The following THSD7A variants were observed in gnomAD, a reference collection of about 807,000 sequenced individuals.
THSD7A encodes the protein thrombospondin type-1 domain-containing protein 7A.
A neutral mutation model predicts 231.3 loss-of-function variants in THSD7A; 96 were observed. The ratio of observed to expected loss-of-function variants is 0.41; its 90% CI spans 0.35 to 0.49. The LOEUF (loss-of-function observed/expected upper bound fraction) is 0.49. THSD7A is among the 20% of genes least tolerant of loss of function. THSD7A has a pLI of 0.05. For missense variants in THSD7A, 2,290 were observed against 2,070.2 expected (o/e 1.11, Z -2.06); for synonymous variants, 940 against 743.3 (o/e 1.26, Z -4.30).
At chr7:11,468,804 A>G (rs1262616250) in intron 9 of THSD7A, among the ~76,000 whole-genome samples, 1 of 152,182 alleles carries the variant, frequency 6.6e-6, no homozygotes, top group Non-Finnish European at 1.5e-5. Context: ...ACTGTACTCC[A>G]GCCTGGATGA....
At chr7:11,490,910 T>C (rs1271006957) in intron 6 of THSD7A, among the ~76,000 whole-genome samples, 1 of 152,214 alleles carries the variant, frequency 6.6e-6, no homozygotes, top group East Asian at 1.9e-4. Flanking sequence ...AAAATTTTTA[T>C]TGGCACATAA....
Position 11,634,619 on chromosome 7 carries a change from A to G in THSD7A, c.1022+1511T>C, listed in dbSNP as rs377200927. Among the ~76,000 whole-genome samples, 100 of 152,212 alleles carry G rather than the reference A, an allele frequency of 6.6e-4. No homozygotes were observed. The highest frequency in any genetic ancestry group is 2.4e-3 in the African/African-American group (98 of 41,546). ...CACACACACACACACACATACACAC[A>G]CACACATTTAAGGAGTTGTAGGAAA... On this transcript the variant is annotated intron_variant, in intron 2 of 27. Coordinates refer to ENST00000423059, the MANE Select transcript of THSD7A (RefSeq NM_015204.3). This position sits in a 1 kb window ranked among gnomAD's most constrained non-coding sequence, Gnocchi z 4.1.
intron 1 of THSD7A, among the ~76,000 whole-genome samples, chr7:11,671,040 G>A (rs1783368590): frequency 6.6e-6 from 1 of 152,166 alleles, no homozygotes; most frequent in Non-Finnish European, 1.5e-5. Flanking sequence ...TTTATTGTGA[G>A]CAGTTCTGGA....
chr7:11,568,554 G>A lies in THSD7A; in HGVS notation c.1453+21906C>T, dbSNP rs143550978. Among the ~76,000 whole-genome samples, 985 of 143,124 alleles carry A rather than the reference G, an allele frequency of 6.9e-3. 6 individuals are homozygous for A. The highest frequency in any genetic ancestry group is 0.024 in the African/African-American group (920 of 38,694). 93.9% of individuals were successfully genotyped at this position (143,124 alleles called of 152,430 possible). On this transcript the variant is annotated intron_variant, in intron 4 of 27. Coordinates refer to ENST00000423059, the MANE Select transcript of THSD7A (RefSeq NM_015204.3). The stretch of plus-strand genomic sequence containing the variant: ...GCAGGAGAATGGCGTGAACCTGGGA[G>A]GCAGAGCTTGCAGTGAGCCGAGATC...
intron 1 of THSD7A, among the ~76,000 whole-genome samples, chr7:11,669,420 T>A (rs572414022): frequency 3.2e-4 from 49 of 152,152 alleles, no homozygotes; most frequent in African/African-American, 7.5e-4. Context: ...CTTGTTTTTT[T>A]AAGTAATTCA....
At position 11,525,023 on chromosome 7, in the gene THSD7A, T is replaced by C. The variant is rs979937461; in HGVS notation, c.1822+16396A>G. ...CTTTCTGTGGATGAAAGGCACGTTC[T>C]TCATACACATTATCATGTTTTTCAC... On this transcript the variant is annotated intron_variant, in intron 6 of 27. Transcript: ENST00000423059. 6.6e-5 allele frequency among the ~76,000 whole-genome samples: 10 copies of C among 152,224 alleles called. 1 individual carries two copies. The highest frequency in any genetic ancestry group is 2.4e-4 in the African/African-American group (10 of 41,466).
At chr7:11,598,973 G>T (rs1031044720) in intron 2 of THSD7A, among the ~76,000 whole-genome samples, 116 of 152,146 alleles carry the variant, frequency 7.6e-4, no homozygotes, top group African/African-American at 2.8e-3. Flanking sequence ...GAGTTACAGT[G>T]TTGGCTGGGG....
chr7:11,742,330 A>G, intron 1 of THSD7A, among the ~76,000 whole-genome samples: 1 of 151,954 alleles, frequency 6.6e-6, no homozygotes, highest in East Asian at 1.9e-4. Context: ...TCCCCTTTCA[A>G]GTATTCAATT....
At chr7:11,479,223 T>C (rs955154476) in intron 7 of THSD7A, among the ~76,000 whole-genome samples, 3 of 152,222 alleles carry the variant, frequency 2.0e-5, no homozygotes, top group Non-Finnish European at 4.4e-5. Context: ...CACAACCTAG[T>C]CTATCCTTAT....
chr7:11,638,213 A>G (rs2526099), intron 1 of THSD7A, among the ~76,000 whole-genome samples: 53,543 of 152,144 alleles, frequency 0.35, 10,519 homozygotes, highest in Non-Finnish European at 0.45. Context: ...GAAACCTGCT[A>G]AAGTAGGTCA....
At chr7:11,649,800 C>T (rs1428910454) in intron 1 of THSD7A, among the ~76,000 whole-genome samples, 2 of 152,040 alleles carry the variant, frequency 1.3e-5, no homozygotes, top group African/African-American at 4.8e-5. Context: ...GATTTCCACA[C>T]AGACTGTTAA....
At chr7:11,629,239 A>G (rs1781572617) in intron 2 of THSD7A, among the ~76,000 whole-genome samples, 1 of 152,172 alleles carries the variant, frequency 6.6e-6, no homozygotes, top group East Asian at 1.9e-4. Flanking sequence ...AGGATGGGGA[A>G]GAGGTGATAG....
intron 6 of THSD7A, among the ~76,000 whole-genome samples, chr7:11,503,098 T>C (rs942306611): frequency 6.6e-6 from 1 of 152,180 alleles, no homozygotes; most frequent in Non-Finnish European, 1.5e-5. Flanking sequence ...AGCATGGTAC[T>C]GATTCCAAAA....
intron 13 of THSD7A, among the ~76,000 whole-genome samples, chr7:11,430,562 G>C (rs1784449500): frequency 6.6e-6 from 1 of 152,076 alleles, no homozygotes. Context: ...CTGCACTCAA[G>C]AGATCCTCCT....
intron 1 of THSD7A, among the ~76,000 whole-genome samples, chr7:11,690,368 G>T (rs911439461): frequency 6.6e-6 from 1 of 151,714 alleles, no homozygotes; most frequent in African/African-American, 2.4e-5. Flanking sequence ...CATAAAGTAG[G>T]TTCTCAATTT....
intron 2 of THSD7A, among the ~76,000 whole-genome samples, chr7:11,629,054 C>T (rs1035955810): frequency 6.6e-6 from 1 of 152,162 alleles, no homozygotes; most frequent in Non-Finnish European, 1.5e-5. Flanking sequence ...GAGAGGACTG[C>T]TGGATACAGG....
intron 9 of THSD7A, among the ~76,000 whole-genome samples, chr7:11,463,133 T>C (rs934142519): frequency 2.0e-5 from 3 of 152,170 alleles, no homozygotes; most frequent in African/African-American, 7.2e-5. Context: ...GATTAGCAGC[T>C]CCTAACAATT....
At chr7:11,675,508 C>G (rs1783601378) in intron 1 of THSD7A, among the ~76,000 whole-genome samples, 1 of 152,172 alleles carries the variant, frequency 6.6e-6, no homozygotes, top group Admixed American at 6.5e-5. Context: ...AAGCTAAGAT[C>G]CACTGGCTTG....
chr7:11,400,474 T>G (rs934836833), intron 23 of THSD7A, among the ~76,000 whole-genome samples: 1 of 146,606 alleles, frequency 6.8e-6, no homozygotes, highest in Non-Finnish European at 1.5e-5. Flanking sequence ...GATTTTACTC[T>G]CTAAGGTGTG....
Sources: gnomAD v4.1 joint callset for allele counts (sites outside exome capture counted in the v4.1 genomes callset) on GRCh38, gnomAD v4.1.1 for gene constraint, Gnocchi (gnomAD v3.1) non-coding constraint, MANE v1.5 for transcripts, NCBI Gene and HGNC (gene_info 2026-07-23, HGNC 2026-07-21) for gene names.